The following CD200R1 variants were observed in gnomAD, a reference collection of about 807,000 sequenced individuals.
CD200R1 encodes cell surface glycoprotein CD200 receptor 1.
A neutral mutation model predicts 38.1 loss-of-function variants in CD200R1; 30 were observed. The ratio of observed to expected loss-of-function variants is 0.79; its 90% CI spans 0.59 to 1.07. CD200R1 has a LOEUF of 1.07. Ranked by LOEUF, CD200R1 falls within the 50% of genes least tolerant of loss-of-function variation. The pLI is 0.00. For missense variants in CD200R1, 372 were observed against 415.4 expected (o/e 0.90, Z 0.91); for synonymous variants, 128 against 152.1 (o/e 0.84, Z 1.16).
intron 1 of CD200R1, 40 bp from the exon 2 acceptor site, chr3:112,947,964 A>G (rs752391692): frequency 8.2e-7 from 1 of 1,214,084 alleles, no homozygotes; most frequent in Non-Finnish European, 1.2e-6. Flanking sequence ...AGAGAGAAAT[A>G]TGCATTAATA....
chr3:112,937,375 A>G (rs896326364), intron 2 of CD200R1, among the ~76,000 whole-genome samples: 6 of 151,880 alleles, frequency 4.0e-5, no homozygotes, highest in Non-Finnish European at 8.8e-5. Context: ...GCCAAACCAT[A>G]TCAGAAGGGG....
At chr3:112,926,635 C>T (rs150898426) in intron 5 of CD200R1, among the ~76,000 whole-genome samples, 1,867 of 152,248 alleles carry the variant, frequency 0.012, 25 homozygotes, top group Non-Finnish European at 0.02. Context: ...GGCACAACTT[C>T]TCTTTTCAGT....
In CD200R1 at chr3:112,923,574, C is replaced by A; in HGVS notation, c.*103G>T. Reference sequence around the variant, plus strand: ...AATGTCTTCTAAGAACCTTGGAAAACCTAATTTCAATATAAGTCTTCATTC... The same window carrying A: ...AATGTCTTCTAAGAACCTTGGAAAAACTAATTTCAATATAAGTCTTCATTC... On this transcript the variant is annotated 3_prime_UTR_variant, in exon 8 of 8. Coordinates refer to ENST00000308611, the MANE Select transcript of CD200R1 (RefSeq NM_138806.4). The A allele has an allele frequency of 1.7e-6, 1 of 601,386 alleles. No homozygotes were observed. Among genetic ancestry groups the A allele is most frequent in the African/African-American group, 1.9e-5 (1 of 51,694 alleles). The allele number at this position is 601,386 out of a possible 1,614,324, so 37.3% of individuals were successfully genotyped here.
Position 112,930,333 on chromosome 3 carries a change from GT to G in CD200R1, c.202+772del, listed in dbSNP as rs749991880. ...ATTATCAAATGTAGCCTTTGGATGA[GT>G]TTTCATTCCTTCCTATTTAGTCACA... On this transcript the variant is annotated intron_variant, in intron 3 of 7. Transcript: ENST00000308611. Among the ~76,000 whole-genome samples the G allele has an allele frequency of 1.8e-4, 27 of 152,250 alleles. No individual in the cohort carries two copies. The East Asian group carries it at 5.2e-3, about 29-fold the overall frequency.
chr3:112,946,938 A>G (rs986083873), intron 2 of CD200R1, among the ~76,000 whole-genome samples: 1 of 119,926 alleles, frequency 8.3e-6, no homozygotes, highest in Non-Finnish European at 1.7e-5. Context: ...ACAATGGAAT[A>G]TTATTCAGTA....
At chr3:112,951,155 C>G (rs1470650340) in intron 1 of CD200R1, among the ~76,000 whole-genome samples, 1 of 151,836 alleles carries the variant, frequency 6.6e-6, no homozygotes, top group Non-Finnish European at 1.5e-5. Flanking sequence ...GAACACAAAT[C>G]TCTAATATCA....
chr3:112,956,225 C>G (rs1270073049), intron 1 of CD200R1, among the ~76,000 whole-genome samples: 1 of 151,924 alleles, frequency 6.6e-6, no homozygotes, highest in Non-Finnish European at 1.5e-5. Context: ...TCTCCTATGA[C>G]TACATATTTT....
chr3:112,941,949 G>GA (rs370373890), intron 2 of CD200R1, among the ~76,000 whole-genome samples: 7 of 151,430 alleles, frequency 4.6e-5, no homozygotes, highest in Non-Finnish European at 7.4e-5. Flanking sequence ...GGTGTTGAGG[G>GA]AAAAAAACTA....
chr3:112,950,721 C>T (rs1940956228), intron 1 of CD200R1, among the ~76,000 whole-genome samples: 1 of 152,070 alleles, frequency 6.6e-6, no homozygotes, highest in South Asian at 2.1e-4. Context: ...TAAAAGATGT[C>T]CTCCAACCAA....
Position 112,922,950 on chromosome 3 carries a change from A to G in CD200R1, c.*727T>C, listed in dbSNP as rs1173585299. On this transcript the variant is annotated 3_prime_UTR_variant, in exon 8 of 8. Coordinates refer to ENST00000308611, the MANE Select transcript of CD200R1 (RefSeq NM_138806.4). Reference sequence around the variant, plus strand: ...TCCACTCAAGAAAGTTATCCTACAGATATACTCAAAAACAAAGAGATATAT... The same window carrying G: ...TCCACTCAAGAAAGTTATCCTACAGGTATACTCAAAAACAAAGAGATATAT... 1 of 151,968 alleles carries G rather than the reference A, an allele frequency of 6.6e-6. No homozygotes were observed. Among genetic ancestry groups the G allele is most frequent in the East Asian group, 1.9e-4 (1 of 5,186 alleles). The allele number at this position is 151,968 out of a possible 1,614,324, so 9.4% of individuals were successfully genotyped here. A position where few individuals can be genotyped will look rare whatever the true frequency, so the allele number is the denominator to read the frequency against.
At chr3:112,953,514 G>A (rs1397330163) in intron 1 of CD200R1, among the ~76,000 whole-genome samples, 1 of 152,150 alleles carries the variant, frequency 6.6e-6, no homozygotes, top group Non-Finnish European at 1.5e-5. Context: ...TTGGAAGAAT[G>A]AAAATAATTG....
In CD200R1 at chr3:112,921,214, G is replaced by A. The variant is rs1358168538; in HGVS notation, c.*2463C>T. 1 of 151,944 alleles carries A rather than the reference G, an allele frequency of 6.6e-6. No individual in the cohort carries two copies. The highest frequency in any genetic ancestry group is 1.5e-5 in the Non-Finnish European group (1 of 67,972). 9.4% of individuals were successfully genotyped at this position (151,944 alleles called of 1,614,324 possible). ...CAAAGAAACAAGAAAATTTTGGGGGGTGATGGACAAGTTTATTATCTTGAT... is the reference window on the plus strand; with the variant it reads ...CAAAGAAACAAGAAAATTTTGGGGGATGATGGACAAGTTTATTATCTTGAT... On this transcript the variant is annotated 3_prime_UTR_variant, in exon 8 of 8. Coordinates refer to ENST00000308611, the MANE Select transcript of CD200R1 (RefSeq NM_138806.4).
At chr3:112,943,951 A>G (rs1285594799) in intron 2 of CD200R1, among the ~76,000 whole-genome samples, 1 of 151,924 alleles carries the variant, frequency 6.6e-6, no homozygotes, top group African/African-American at 2.4e-5. Flanking sequence ...AAGGAGAAAC[A>G]GGCAAATTGA....
chr3:112,933,783 A>T (rs189449464), intron 2 of CD200R1, among the ~76,000 whole-genome samples: 2 of 152,150 alleles, frequency 1.3e-5, no homozygotes, highest in East Asian at 3.9e-4. Context: ...TTCAACAAAA[A>T]GATAGCTATC....
intron 1 of CD200R1, among the ~76,000 whole-genome samples, chr3:112,969,306 T>C (rs1053794314): frequency 2.6e-5 from 4 of 151,908 alleles, no homozygotes; most frequent in Non-Finnish European, 2.9e-5. Flanking sequence ...TTGGGGAAAA[T>C]ATGTATAAAA....
intron 2 of CD200R1, among the ~76,000 whole-genome samples, chr3:112,938,335 A>C (rs1940634848): frequency 6.6e-6 from 1 of 152,072 alleles, no homozygotes; most frequent in Admixed American, 6.6e-5. Context: ...GTTTGTAAAA[A>C]GATTAACATA....
chr3:112,926,374 T>C (rs762466256), intron 5 of CD200R1, among the ~76,000 whole-genome samples: 5 of 152,206 alleles, frequency 3.3e-5, no homozygotes, highest in African/African-American at 4.8e-5. Flanking sequence ...TTTCTCCATA[T>C]GTTATATGAA....
At chr3:112,970,810 C>A (rs1933288412) in intron 1 of CD200R1, among the ~76,000 whole-genome samples, 1 of 152,120 alleles carries the variant, frequency 6.6e-6, no homozygotes, top group Non-Finnish European at 1.5e-5. Context: ...TATCTAATGT[C>A]TCATCTTAAT....
chr3:112,958,502 T>A (rs1312159486), intron 1 of CD200R1, among the ~76,000 whole-genome samples: 1 of 152,136 alleles, frequency 6.6e-6, no homozygotes, highest in Admixed American at 6.5e-5. Flanking sequence ...TAAAGATACA[T>A]GAGAAATATT....
Sources: allele counts gnomAD v4.1 joint callset (sites outside exome capture counted in the v4.1 genomes callset), GRCh38; gene constraint gnomAD v4.1.1; transcripts MANE v1.5; gene names NCBI Gene and HGNC (gene_info 2026-07-23, HGNC 2026-07-21).